TENM4: variants seen among roughly 807,000 people sequenced by gnomAD.
TENM4 encodes teneurin transmembrane protein 4.
TENM4 carries 82 observed loss-of-function variants against 243.3 expected under a neutral mutation model. That is an observed-to-expected ratio of 0.34 (90% confidence interval 0.28 to 0.40). The LOEUF is 0.40. Ranked by LOEUF, TENM4 falls within the 10% of genes least tolerant of loss-of-function variation. The pLI is 1.00. For synonymous variants in TENM4, 1,412 were observed against 1,456.3 expected (o/e 0.97, Z 0.69); for missense variants, 3,138 against 3,673.3 (o/e 0.85, Z 3.77).
intron 1 of TENM4, among the ~76,000 whole-genome samples, chr11:79,351,681 G>A (rs1393907874): frequency 6.6e-6 from 1 of 152,076 alleles, no homozygotes; most frequent in Non-Finnish European, 1.5e-5. Flanking sequence ...ACTCCAGCCT[G>A]GGTGACAGAG....
intron 6 of TENM4, among the ~76,000 whole-genome samples, chr11:79,047,638 C>T (rs1396863166): frequency 3.9e-5 from 6 of 152,102 alleles, no homozygotes; most frequent in Non-Finnish European, 7.3e-5. Flanking sequence ...GCTAACAGCT[C>T]GGCAGCACTT....
chr11:78,784,694 G>C (rs1790543), intron 16 of TENM4, among the ~76,000 whole-genome samples: 88,966 of 152,060 alleles, frequency 0.59, 29,190 homozygotes, highest in Non-Finnish European at 0.76. Flanking sequence ...AGGGGAAAAG[G>C]TATCTGCATC....
chr11:78,769,585 G>A (rs1856607685), intron 18 of TENM4, among the ~76,000 whole-genome samples: 1 of 152,180 alleles, frequency 6.6e-6, no homozygotes. Context: ...GATATTTATG[G>A]AGCACAAAAA....
chr11:79,312,482 A>G (rs1363127689), intron 1 of TENM4, among the ~76,000 whole-genome samples: 1 of 152,200 alleles, frequency 6.6e-6, no homozygotes, highest in Non-Finnish European at 1.5e-5. Flanking sequence ...CTATGAAAGT[A>G]TGTCCTATAA....
chr11:78,884,039 G>T (rs572275329), intron 9 of TENM4, among the ~76,000 whole-genome samples: 4 of 152,238 alleles, frequency 2.6e-5, no homozygotes, highest in African/African-American at 9.6e-5. Flanking sequence ...AACAACAGTA[G>T]TGTCTAACTT....
chr11:79,254,699 T>A (rs1855671057), intron 2 of TENM4, among the ~76,000 whole-genome samples: 1 of 152,154 alleles, frequency 6.6e-6, no homozygotes, highest in South Asian at 2.1e-4. Flanking sequence ...TATAATATTG[T>A]GTTAATATTA....
intron 6 of TENM4, among the ~76,000 whole-genome samples, chr11:78,991,926 C>T (rs565310772): frequency 6.5e-4 from 99 of 152,286 alleles, no homozygotes; most frequent in Admixed American, 1.1e-3. Context: ...CAGGAAACCC[C>T]ATTCTATTTT....
chr11:79,048,624 T>C (rs1181125847), intron 6 of TENM4, among the ~76,000 whole-genome samples: 1 of 152,188 alleles, frequency 6.6e-6, no homozygotes, highest in Non-Finnish European at 1.5e-5. Context: ...TGTGAGTTTC[T>C]GGTAGTCTTT....
chr11:79,244,500 C>T (rs192250699), intron 2 of TENM4, among the ~76,000 whole-genome samples: 18 of 152,014 alleles, frequency 1.2e-4, no homozygotes, highest in Middle Eastern at 3.4e-3. Context: ...TTTTAATCTC[C>T]GTGCAGAACC....
chr11:79,128,871 CA>C (rs1436799020), intron 4 of TENM4, among the ~76,000 whole-genome samples: 7 of 151,994 alleles, frequency 4.6e-5, no homozygotes, highest in Admixed American at 4.6e-4. Flanking sequence ...AAATTGGTGA[CA>C]AAAAAATTTG....
intron 2 of TENM4, among the ~76,000 whole-genome samples, chr11:79,279,117 C>G (rs1856111195): frequency 6.6e-6 from 1 of 152,182 alleles, no homozygotes; most frequent in Non-Finnish European, 1.5e-5. Flanking sequence ...AGGGTGGTCT[C>G]TACAAGCTGA....
intron 1 of TENM4, among the ~76,000 whole-genome samples, chr11:79,401,273 G>A (rs1858455999): frequency 6.6e-6 from 1 of 152,146 alleles, no homozygotes; most frequent in African/African-American, 2.4e-5. Flanking sequence ...AATGAGAGAT[G>A]AATAACCATG....
chr11:78,738,654 G>C lies in TENM4; in HGVS notation c.2757-84C>G, dbSNP rs896400833. 6 of 1,450,170 alleles carry C rather than the reference G, an allele frequency of 4.1e-6. No individual in the cohort carries two copies. The African/African-American group carries it at 7.1e-5, about 17-fold the overall frequency. 89.8% of individuals were successfully genotyped at this position (1,450,170 alleles called of 1,614,324 possible). A position where few individuals can be genotyped will look rare whatever the true frequency, so the allele number is the denominator to read the frequency against. ...GGCAGGGAACCCCGAGAGGCCAGAAGCCAGAAAATCAGTCACTCAGACACA... is the reference window on the plus strand; with the variant it reads ...GGCAGGGAACCCCGAGAGGCCAGAACCCAGAAAATCAGTCACTCAGACACA... On this transcript the variant is annotated intron_variant, in intron 19 of 33. Coordinates refer to ENST00000278550, the MANE Select transcript of TENM4 (RefSeq NM_001098816.3).
intron 6 of TENM4, among the ~76,000 whole-genome samples, chr11:78,910,758 C>G (rs886649476): frequency 6.6e-6 from 1 of 152,204 alleles, no homozygotes; most frequent in Non-Finnish European, 1.5e-5. Context: ...AGGGGTCACA[C>G]TTTTTGTAGT....
At chr11:79,062,302 C>T (rs1860112847) in intron 6 of TENM4, among the ~76,000 whole-genome samples, 1 of 152,126 alleles carries the variant, frequency 6.6e-6, no homozygotes, top group Admixed American at 6.5e-5. Flanking sequence ...TTATCATTTT[C>T]CTCTTGCACA....
chr11:79,185,264 C>T (rs181642802), intron 3 of TENM4, among the ~76,000 whole-genome samples: 11 of 152,216 alleles, frequency 7.2e-5, no homozygotes, highest in Admixed American at 5.2e-4. Flanking sequence ...TACCACTGCA[C>T]TCTCCAGCTT....
chr11:79,073,965 G>T (rs77051167), intron 4 of TENM4, among the ~76,000 whole-genome samples: 405 of 152,090 alleles, frequency 2.7e-3, no homozygotes, highest in African/African-American at 8.9e-3. Flanking sequence ...AACGTTTTAG[G>T]CTGTTAAATT....
intron 30 of TENM4, among the ~76,000 whole-genome samples, chr11:78,673,474 G>A (rs1012191060): frequency 2.0e-5 from 3 of 152,074 alleles, no homozygotes; most frequent in African/African-American, 7.3e-5. Context: ...TGTGTGGACC[G>A]AGGCAATGAA....
intron 10 of TENM4, among the ~76,000 whole-genome samples, chr11:78,860,790 T>A (rs977312576): frequency 9.9e-5 from 15 of 152,230 alleles, no homozygotes; most frequent in Non-Finnish European, 4.4e-5. Flanking sequence ...TGAAGGCATT[T>A]GCAAACAGGA....
Sources: allele counts gnomAD v4.1 joint callset (sites outside exome capture counted in the v4.1 genomes callset), GRCh38; gene constraint gnomAD v4.1.1; transcripts MANE v1.5; gene names NCBI Gene and HGNC (gene_info 2026-07-23, HGNC 2026-07-21).